TSPAN18: variants seen among roughly 807,000 people sequenced by gnomAD.
TSPAN18 encodes the protein tetraspanin-18.
In TSPAN18, 14 loss-of-function variants were observed where a neutral mutation model predicts 27.3. The ratio of observed to expected loss-of-function variants is 0.51; its 90% CI spans 0.34 to 0.80. The LOEUF (loss-of-function observed/expected upper bound fraction) is 0.80. Among genes scored for constraint, TSPAN18 ranks in the 30% least tolerant of loss-of-function variants. The probability of loss-of-function intolerance (pLI) is 0.01; values close to 1 mark genes in which losing one functional copy is unlikely to be tolerated. For missense variants in TSPAN18, 268 were observed against 323.9 expected, an observed-to-expected ratio of 0.83 and a Z score of 1.32; for synonymous variants, 143 against 136.5, an observed-to-expected ratio of 1.05 and a Z score of -0.33.
intron 2 of TSPAN18, among the ~76,000 whole-genome samples, chr11:44,776,755 G>A (rs1476454192): frequency 6.6e-6 from 1 of 152,130 alleles, no homozygotes; most frequent in African/African-American, 2.4e-5. Context: ...CTGCCTCCTA[G>A]GGCTGCCATG....
chr11:44,817,012 G>C (rs1856829951), intron 2 of TSPAN18, among the ~76,000 whole-genome samples: 1 of 152,240 alleles, frequency 6.6e-6, no homozygotes, highest in Non-Finnish European at 1.5e-5. Flanking sequence ...TGAGCTACTG[G>C]AGCTAGCGAG....
Position 44,930,766 on chromosome 11 carries a change from AG to A in TSPAN18, c.*1590del, listed in dbSNP as rs1860530051. 2.2e-6 allele frequency: 1 copy of A among 448,224 alleles called. No individual in the cohort carries two copies. Among genetic ancestry groups the A allele is most frequent in the Admixed American group, 2.4e-5 (1 of 41,838 alleles). The allele number at this position is 448,224 out of a possible 1,614,324, so 27.8% of individuals were successfully genotyped here. A position where few individuals can be genotyped will look rare whatever the true frequency, so the allele number is the denominator to read the frequency against. On this transcript the variant is annotated 3_prime_UTR_variant, in exon 10 of 10. Transcript: ENST00000520358. ...GCAATCCTGATGAGTGATGTCTGCC[AG>A]GCACCGTAAGTTTGATTAGTGATGT...
intron 2 of TSPAN18, among the ~76,000 whole-genome samples, chr11:44,806,326 C>T (rs1038702064): frequency 2.0e-5 from 3 of 152,246 alleles, no homozygotes; most frequent in South Asian, 2.1e-4. Context: ...TGAGCCACCG[C>T]GCCTGGCCAA....
chr11:44,761,560 AG>A (rs1855456108), intron 1 of TSPAN18, among the ~76,000 whole-genome samples: 1 of 152,202 alleles, frequency 6.6e-6, no homozygotes, highest in Non-Finnish European at 1.5e-5. Flanking sequence ...GGCTGCAGGA[AG>A]GCAAAATTCC....
At chr11:44,793,137 A>AC (rs1362988910) in intron 2 of TSPAN18, among the ~76,000 whole-genome samples, 1 of 152,186 alleles carries the variant, frequency 6.6e-6, no homozygotes, top group Non-Finnish European at 1.5e-5. Context: ...CTCCTGGGTT[A>AC]AAGTGATTCT....
intron 2 of TSPAN18, among the ~76,000 whole-genome samples, chr11:44,790,505 G>A (rs918274507): frequency 7.1e-5 from 10 of 141,804 alleles, no homozygotes; most frequent in South Asian, 2.3e-4. Context: ...GCATATGTTT[G>A]TGTGTGCATG....
chr11:44,791,235 T>C (rs982836698), intron 2 of TSPAN18, among the ~76,000 whole-genome samples: 1 of 152,178 alleles, frequency 6.6e-6, no homozygotes, highest in African/African-American at 2.4e-5. Flanking sequence ...GAAAGTGCCC[T>C]GGACGTAGTG....
chr11:44,740,968 C>T (rs1411621010), intron 1 of TSPAN18, among the ~76,000 whole-genome samples: 1 of 152,104 alleles, frequency 6.6e-6, no homozygotes, highest in Non-Finnish European at 1.5e-5. Flanking sequence ...TTAGTAGAGA[C>T]GAGGTTTTGC....
Position 44,929,135 on chromosome 11 carries a change from TCG to T in TSPAN18, c.706_707del (p.Ala236HisfsTer18). On this transcript the variant is annotated frameshift_variant, in exon 10 of 10. Transcript: ENST00000520358. LOFTEE classifies it high-confidence loss of function. ...GCTCTTTTTCTTTTTTTGCAGCTTTTCGCCATGATCTTTGCCATGTGCCTCTT... is the reference window on the plus strand; with the variant it reads ...GCTCTTTTTCTTTTTTTGCAGCTTTTCCATGATCTTTGCCATGTGCCTCTT... 6.2e-7 allele frequency: 1 copy of T among 1,613,486 alleles called. No homozygotes were observed. The highest frequency in any genetic ancestry group is 8.5e-7 in the Non-Finnish European group (1 of 1,180,032).
chr11:44,923,254 C>G (rs1372079073), intron 8 of TSPAN18, among the ~76,000 whole-genome samples: 1 of 152,120 alleles, frequency 6.6e-6, no homozygotes, highest in African/African-American at 2.4e-5. Flanking sequence ...GTGGTGGCAA[C>G]CAGGCCTGGC....
Position 44,819,056 on chromosome 11 carries a change from C to G in TSPAN18, c.-152-41272C>G, listed in dbSNP as rs575458920. ...GTTTCATGGATTGTTTAGAACATTC[C>G]CTGGAATCTAAGCCACGGACGCGCC... is the stretch of plus-strand genomic sequence containing the variant. On this transcript the variant is annotated intron_variant, in intron 2 of 9. Transcript: ENST00000520358. 5.9e-5 allele frequency among the ~76,000 whole-genome samples: 9 copies of G among 152,290 alleles called. 1 individual carries two copies. In the East Asian group the frequency reaches 1.7e-3, roughly 29 times the overall value.
At chr11:44,829,212 TA>T (rs1366628535) in intron 2 of TSPAN18, among the ~76,000 whole-genome samples, 2 of 152,186 alleles carry the variant, frequency 1.3e-5, no homozygotes, top group East Asian at 1.9e-4. Context: ...TAGTTTCCAT[TA>T]GGGGTCCCTC....
chr11:44,813,672 C>A (rs2135104065), intron 2 of TSPAN18, among the ~76,000 whole-genome samples: 1 of 152,298 alleles, frequency 6.6e-6, no homozygotes, highest in Non-Finnish European at 1.5e-5. Flanking sequence ...GGGAATTGTA[C>A]AACCACTATC....
intron 1 of TSPAN18, among the ~76,000 whole-genome samples, chr11:44,757,445 G>A (rs1203994216): frequency 1.3e-5 from 2 of 152,100 alleles, no homozygotes; most frequent in African/African-American, 4.8e-5. Context: ...GTGCAGTGGT[G>A]TGATCTTGGC....
intron 2 of TSPAN18, among the ~76,000 whole-genome samples, chr11:44,817,452 C>T (rs1205467329): frequency 6.6e-6 from 1 of 152,206 alleles, no homozygotes; most frequent in Admixed American, 6.5e-5. Flanking sequence ...CTCTGTGTCT[C>T]TCTTCCTCCT....
chr11:44,918,854 A>T (rs777582027), intron 6 of TSPAN18, among the ~76,000 whole-genome samples: 6 of 151,866 alleles, frequency 4.0e-5, no homozygotes, highest in Non-Finnish European at 5.9e-5. Flanking sequence ...CCTGGGACCC[A>T]GGGCATCTGC....
intron 2 of TSPAN18, among the ~76,000 whole-genome samples, chr11:44,809,300 A>T (rs960738301): frequency 4.7e-5 from 7 of 147,640 alleles, no homozygotes; most frequent in African/African-American, 1.8e-4. Context: ...ATATTTTCCC[A>T]TTTATCTCCA....
At chr11:44,922,173 A>G (rs1206000887) in intron 8 of TSPAN18, among the ~76,000 whole-genome samples, 1 of 147,290 alleles carries the variant, frequency 6.8e-6, no homozygotes. Context: ...CTGGAGTGCA[A>G]TGGCACAATC....
chr11:44,885,467 G>C (rs1858617115), intron 3 of TSPAN18, among the ~76,000 whole-genome samples: 1 of 152,178 alleles, frequency 6.6e-6, no homozygotes, highest in African/African-American at 2.4e-5. Context: ...TGGAGAGCCT[G>C]ACGGGTTGGT....
Sources: gnomAD v4.1 joint callset for allele counts (sites outside exome capture counted in the v4.1 genomes callset) on GRCh38, gnomAD v4.1.1 for gene constraint, MANE v1.5 for transcripts, NCBI Gene and HGNC (gene_info 2026-07-23, HGNC 2026-07-21) for gene names.